Variants in GRIK2 observed in about 807,000 individuals in gnomAD.
GRIK2 encodes the protein glutamate ionotropic receptor kainate type subunit 2, also known as glutamate receptor ionotropic, kainate 2.
In GRIK2, 32 loss-of-function variants were observed where a neutral mutation model predicts 100.3. That is an observed-to-expected ratio of 0.32 (90% CI 0.24 to 0.43). GRIK2 has a LOEUF of 0.43. GRIK2 is among the 20% of genes least tolerant of loss of function. GRIK2 has a pLI of 1.00. For missense variants in GRIK2, 843 were observed against 1,114.9 expected (o/e 0.76, Z 3.47); for synonymous variants, 417 against 389.4 (o/e 1.07, Z -0.83).
chr6:101,876,681 T>C (rs956221541), intron 11 of GRIK2, among the ~76,000 whole-genome samples: 1 of 151,906 alleles, frequency 6.6e-6, no homozygotes, highest in Non-Finnish European at 1.5e-5. Context: ...TTTGTTAAAA[T>C]AGTCAATTTC....
At chr6:101,532,868 A>G (rs1775511171) in intron 2 of GRIK2, among the ~76,000 whole-genome samples, 1 of 151,848 alleles carries the variant, frequency 6.6e-6, no homozygotes, top group African/African-American at 2.4e-5. Context: ...ATGAAAACAG[A>G]AAGGACTTTG....
intron 14 of GRIK2, among the ~76,000 whole-genome samples, chr6:102,032,985 T>C (rs1318246086): frequency 6.6e-6 from 1 of 151,284 alleles, no homozygotes; most frequent in African/African-American, 2.4e-5. Context: ...CTGATTAAGA[T>C]TATGAAACTT....
intron 7 of GRIK2, among the ~76,000 whole-genome samples, chr6:101,716,644 A>G (rs1774088878): frequency 6.6e-6 from 1 of 150,544 alleles, no homozygotes; most frequent in Non-Finnish European, 1.5e-5. Flanking sequence ...TGAAATACCT[A>G]ATGTAAATGA....
At chr6:101,539,475 C>T (rs920270892) in intron 2 of GRIK2, among the ~76,000 whole-genome samples, 16 of 151,624 alleles carry the variant, frequency 1.1e-4, no homozygotes, top group African/African-American at 3.9e-4. Context: ...GTATTTATAT[C>T]AACTATAAAG....
intron 4 of GRIK2, among the ~76,000 whole-genome samples, chr6:101,635,744 G>GA (rs1271484458): frequency 6.6e-6 from 1 of 152,086 alleles, no homozygotes; most frequent in Non-Finnish European, 1.5e-5. Context: ...ACAAACATAT[G>GA]AAAAAAAGCT....
intron 2 of GRIK2, among the ~76,000 whole-genome samples, chr6:101,468,627 G>A (rs1337488156): frequency 6.6e-6 from 1 of 152,110 alleles, no homozygotes; most frequent in East Asian, 1.9e-4. Context: ...TTTTGAAATA[G>A]TTACAAGAAC....
intron 2 of GRIK2, among the ~76,000 whole-genome samples, chr6:101,491,278 A>AG (rs1303264324): frequency 6.6e-6 from 1 of 150,486 alleles, no homozygotes; most frequent in Admixed American, 6.6e-5. Flanking sequence ...AAAAAAGAAA[A>AG]AAAAAAAAAA....
intron 7 of GRIK2, among the ~76,000 whole-genome samples, chr6:101,749,242 G>A (rs1776630684): frequency 1.3e-5 from 2 of 152,150 alleles, no homozygotes; most frequent in South Asian, 4.1e-4. Context: ...CCGAGTAACT[G>A]GGATTACAAG....
chr6:101,401,466 G>A (rs1212952435), intron 2 of GRIK2, among the ~76,000 whole-genome samples: 3 of 151,962 alleles, frequency 2.0e-5, no homozygotes, highest in East Asian at 1.9e-4. Flanking sequence ...TAAGAAATAC[G>A]GTAGTAGGCA....
At chr6:101,947,597 A>G (rs1040705187) in intron 14 of GRIK2, among the ~76,000 whole-genome samples, 5 of 152,120 alleles carry the variant, frequency 3.3e-5, no homozygotes, top group African/African-American at 1.2e-4. Flanking sequence ...TAAGAGAAAC[A>G]CTTGCTTATT....
At chr6:101,471,758 C>A (rs916089065) in intron 2 of GRIK2, among the ~76,000 whole-genome samples, 1 of 151,816 alleles carries the variant, frequency 6.6e-6, no homozygotes, top group Non-Finnish European at 1.5e-5. Context: ...AATCATTAAA[C>A]CTTTAAGCAT....
chr6:101,790,714 G>A, intron 7 of GRIK2, among the ~76,000 whole-genome samples: 1 of 150,278 alleles, frequency 6.7e-6, no homozygotes, highest in African/African-American at 2.5e-5. Context: ...GGATGATGCG[G>A]GCCTCATAAA....
At chr6:101,797,807 CATTATAT>C (rs888536124) in intron 7 of GRIK2, among the ~76,000 whole-genome samples, 22 of 144,806 alleles carry the variant, frequency 1.5e-4, no homozygotes, top group African/African-American at 4.3e-4. Flanking sequence ...TATATGAAAC[CATTATAT>C]ATTATATATA....
intron 14 of GRIK2, among the ~76,000 whole-genome samples, chr6:102,031,568 C>T (rs1236225180): frequency 6.6e-6 from 1 of 151,068 alleles, no homozygotes; most frequent in Non-Finnish European, 1.5e-5. Flanking sequence ...GATCATGTCA[C>T]CTAGGTAGTG....
intron 14 of GRIK2, among the ~76,000 whole-genome samples, chr6:101,938,227 A>AT (rs1430093838): frequency 1.3e-5 from 2 of 151,760 alleles, no homozygotes; most frequent in African/African-American, 4.8e-5. Context: ...ATACTGTACT[A>AT]TTTTTCCCCT....
intron 14 of GRIK2, among the ~76,000 whole-genome samples, chr6:101,956,685 T>C (rs1223339966): frequency 6.6e-6 from 1 of 151,690 alleles, no homozygotes; most frequent in Non-Finnish European, 1.5e-5. Context: ...TCTCCTGCTT[T>C]ATCTATGTTG....
At chr6:101,878,106 T>TATATTATATC (rs2128451997) in intron 11 of GRIK2, among the ~76,000 whole-genome samples, 1 of 146,754 alleles carries the variant, frequency 6.8e-6, no homozygotes, top group Non-Finnish European at 1.5e-5. Flanking sequence ...TATATTATAT[T>TATATTATATC]ATATTATATT....
chr6:101,827,687 G>T (rs1782427095), intron 10 of GRIK2, among the ~76,000 whole-genome samples: 1 of 151,856 alleles, frequency 6.6e-6, no homozygotes, highest in South Asian at 2.1e-4. Context: ...AAAGTACAAA[G>T]AATGACATTA....
chr6:101,815,620 T>TA (rs3995810), intron 9 of GRIK2, among the ~76,000 whole-genome samples: 2,301 of 142,124 alleles, frequency 0.016, 35 homozygotes, highest in African/African-American at 0.045. Flanking sequence ...GTTTCAGAGC[T>TA]AAAAAAAAAA....
Sources: gnomAD v4.1 joint callset for allele counts (sites outside exome capture counted in the v4.1 genomes callset) on GRCh38, gnomAD v4.1.1 for gene constraint, MANE v1.5 for transcripts, NCBI Gene and HGNC (gene_info 2026-07-23, HGNC 2026-07-21) for gene names.